The following EPB41L4A variants were observed in gnomAD, a reference collection of about 807,000 sequenced individuals.
EPB41L4A encodes band 4.1-like protein 4A.
A neutral mutation model predicts 108.6 loss-of-function variants in EPB41L4A; 100 were observed. The ratio of observed to expected loss-of-function variants is 0.92; its 90% CI spans 0.78 to 1.09. The LOEUF is 1.09. EPB41L4A is among the 50% of genes least tolerant of loss of function. The pLI is 0.00. For missense variants in EPB41L4A, 1,030 were observed against 842.7 expected (o/e 1.22, Z -2.75); for synonymous variants, 319 against 289.0 (o/e 1.10, Z -1.05).
intron 15 of EPB41L4A, among the ~76,000 whole-genome samples, chr5:112,201,426 T>C (rs984552914): frequency 3.3e-5 from 5 of 152,132 alleles, no homozygotes; most frequent in Admixed American, 6.5e-5. Context: ...TTTGGGAGTG[T>C]ATATGCTGCA....
At chr5:112,385,751 A>G (rs2112635035) in intron 1 of EPB41L4A, among the ~76,000 whole-genome samples, 1 of 152,270 alleles carries the variant, frequency 6.6e-6, no homozygotes, top group East Asian at 1.9e-4. Flanking sequence ...AACCTCCCCA[A>G]TATATTTTTT....
chr5:112,419,202 G>T lies in EPB41L4A; in HGVS notation c.-163C>A, dbSNP rs1226753025. On this transcript the variant is annotated 5_prime_UTR_variant, in exon 1 of 23. Coordinates refer to ENST00000261486, the MANE Select transcript of EPB41L4A (RefSeq NM_022140.5). ...GGGACCGGCCGCCGAACCGCCCGGC[G>T]GGGCGGGAGCGAGAAAGGCGGAAAA... The T allele has an allele frequency of 9.7e-6, 5 of 514,456 alleles. No individual in the cohort carries two copies. Among genetic ancestry groups the T allele is most frequent in the East Asian group, 3.6e-5 (1 of 27,654 alleles). The allele number at this position is 514,456 out of a possible 1,614,324, so 31.9% of individuals were successfully genotyped here. A position where few individuals can be genotyped will look rare whatever the true frequency, so the allele number is the denominator to read the frequency against.
chr5:112,184,183 C>T lies in EPB41L4A; in HGVS notation c.1503-48G>A, dbSNP rs200215290. 38 of 1,596,638 alleles carry T rather than the reference C, an allele frequency of 2.4e-5. No homozygotes were observed. In the African/African-American group the frequency reaches 4.0e-4, roughly 17 times the overall value. ...GAAGTTAACATCTACATGGATGGCGCGTTTTAGGTTCATCCTAAACTTGCT... is the reference window on the plus strand; with the variant it reads ...GAAGTTAACATCTACATGGATGGCGTGTTTTAGGTTCATCCTAAACTTGCT... On this transcript the variant is annotated intron_variant, in intron 17 of 22. Coordinates refer to ENST00000261486, the MANE Select transcript of EPB41L4A (RefSeq NM_022140.5).
intron 1 of EPB41L4A, among the ~76,000 whole-genome samples, chr5:112,319,276 A>T (rs1755614288): frequency 6.6e-6 from 1 of 151,672 alleles, no homozygotes; most frequent in African/African-American, 2.4e-5. Flanking sequence ...AACAAAAAAA[A>T]TGATAGTGTC....
intron 12 of EPB41L4A, among the ~76,000 whole-genome samples, chr5:112,146,180 G>C (rs557203169): frequency 6.6e-6 from 1 of 152,152 alleles, no homozygotes; most frequent in Non-Finnish European, 1.5e-5. Flanking sequence ...TTTTAGAAAT[G>C]TCAAGCATCG....
intron 15 of EPB41L4A, among the ~76,000 whole-genome samples, chr5:112,203,211 C>T (rs1366749294): frequency 6.6e-6 from 1 of 151,982 alleles, no homozygotes; most frequent in Non-Finnish European, 1.5e-5. Context: ...AAAAAATTAG[C>T]CGGGCCTGAT....
chr5:112,280,673 T>C (rs1752913517), intron 2 of EPB41L4A, among the ~76,000 whole-genome samples: 1 of 152,200 alleles, frequency 6.6e-6, no homozygotes, highest in African/African-American at 2.4e-5. Flanking sequence ...AAGATGATGC[T>C]GACGTTGGAA....
At chr5:112,245,550 A>G (rs1277746182) in intron 9 of EPB41L4A, among the ~76,000 whole-genome samples, 2 of 152,156 alleles carry the variant, frequency 1.3e-5, no homozygotes, top group African/African-American at 4.8e-5. Flanking sequence ...CTTGTCTGGT[A>G]AAAAAAGAAA....
At chr5:112,269,186 A>G (rs1752083992) in intron 4 of EPB41L4A, among the ~76,000 whole-genome samples, 1 of 152,136 alleles carries the variant, frequency 6.6e-6, no homozygotes, top group South Asian at 2.1e-4. Context: ...AGAAATTCAT[A>G]AAGAAAAAAA....
intron 1 of EPB41L4A, among the ~76,000 whole-genome samples, chr5:112,316,599 A>C (rs1755444475): frequency 6.6e-6 from 1 of 152,044 alleles, no homozygotes; most frequent in South Asian, 2.1e-4. Flanking sequence ...AAATGAGTAA[A>C]ATGTATTTTT....
intron 12 of EPB41L4A, among the ~76,000 whole-genome samples, chr5:112,152,673 T>C (rs531596373): frequency 2.0e-5 from 3 of 152,300 alleles, no homozygotes; most frequent in Middle Eastern, 3.4e-3. Flanking sequence ...AGTTACTTTG[T>C]TATAGCAGGA....
chr5:112,336,169 C>T (rs1756900372), intron 1 of EPB41L4A, among the ~76,000 whole-genome samples: 1 of 152,176 alleles, frequency 6.6e-6, no homozygotes, highest in African/African-American at 2.4e-5. Flanking sequence ...AAAGCAGTCA[C>T]ACATTACTAG....
intron 1 of EPB41L4A, among the ~76,000 whole-genome samples, chr5:112,378,915 G>A (rs971366313): frequency 6.6e-6 from 1 of 152,096 alleles, no homozygotes; most frequent in African/African-American, 2.4e-5. Flanking sequence ...TTGTATCAAG[G>A]GCTGAATTTG....
At chr5:112,330,638 T>C (rs913304610) in intron 1 of EPB41L4A, among the ~76,000 whole-genome samples, 7 of 151,866 alleles carry the variant, frequency 4.6e-5, no homozygotes, top group Non-Finnish European at 5.9e-5. Flanking sequence ...GCCTTAAACA[T>C]GGTAAGCAGA....
At chr5:112,302,575 T>C (rs1178030781) in intron 2 of EPB41L4A, among the ~76,000 whole-genome samples, 1 of 152,158 alleles carries the variant, frequency 6.6e-6, no homozygotes, top group Admixed American at 6.5e-5. Flanking sequence ...GCTGGTACTA[T>C]TACTATCTTC....
At chr5:112,172,576 T>C (rs1760644802) in intron 18 of EPB41L4A, among the ~76,000 whole-genome samples, 1 of 152,050 alleles carries the variant, frequency 6.6e-6, no homozygotes, top group Admixed American at 6.6e-5. Flanking sequence ...TGGTGTCCTG[T>C]ATGTATTCTG....
Position 112,259,972 on chromosome 5 carries a change from T to C in EPB41L4A, c.650A>G (p.Asn217Ser). Reference protein sequence around the residue: ...GVDLHPVYGENKSEYFLGLTP... With the variant: ...GVDLHPVYGESKSEYFLGLTP... ...TAATCCTAAGAAATACTCAGACTTG[T>C]TTTCTCCCTGCAAAAACAAACATAT... is the stretch of plus-strand genomic sequence containing the variant. Residue 217 changes from asparagine (N) to serine (S), a missense_variant, in exon 8 of 23, where the codon AAC (asparagine) becomes AGC (serine). By Grantham distance (46) the Asn-to-Ser change is conservative. Transcript: ENST00000261486. 1.9e-6 allele frequency: 3 copies of C among 1,613,652 alleles called. No homozygotes were observed. Among genetic ancestry groups the C allele is most frequent in the Non-Finnish European group, 2.5e-6 (3 of 1,179,578 alleles).
At chr5:112,278,067 T>A (rs1277956093) in intron 3 of EPB41L4A, among the ~76,000 whole-genome samples, 6 of 152,164 alleles carry the variant, frequency 3.9e-5, no homozygotes, top group African/African-American at 1.2e-4. Flanking sequence ...AGATTAACTA[T>A]AAGCATTCTG....
intron 1 of EPB41L4A, among the ~76,000 whole-genome samples, chr5:112,378,764 C>T (rs1208696301): frequency 6.6e-6 from 1 of 152,220 alleles, no homozygotes; most frequent in African/African-American, 2.4e-5. Flanking sequence ...CTAAAACAAA[C>T]TTCTTCACTG....
Sources: gnomAD v4.1 joint callset for allele counts (sites outside exome capture counted in the v4.1 genomes callset) on GRCh38, gnomAD v4.1.1 for gene constraint, MANE v1.5 for transcripts, NCBI Gene and HGNC (gene_info 2026-07-23, HGNC 2026-07-21) for gene names.